PPARA: variants seen among roughly 807,000 people sequenced by gnomAD.
The protein encoded by PPARA is peroxisome proliferator activated receptor alpha, also known as peroxisome proliferator-activated receptor alpha.
PPARA carries 22 observed loss-of-function variants against 42.2 expected under a neutral mutation model. The observed-to-expected ratio is 0.52, with a 90% confidence interval of 0.37 to 0.74. The LOEUF (loss-of-function observed/expected upper bound fraction) is 0.74. Among genes scored for constraint, PPARA ranks in the 30% least tolerant of loss-of-function variants. The probability of loss-of-function intolerance (pLI) is 0.00; values close to 1 mark genes in which losing one functional copy is unlikely to be tolerated. For synonymous variants in PPARA, 242 were observed against 239.3 expected (o/e 1.01, Z -0.10); for missense variants, 465 against 608.2 (o/e 0.76, Z 2.48).
rs1465853939 is a variant in PPARA, at chr22:46,218,355, G to A, written c.462G>A (p.Gln154=). The A allele has an allele frequency of 1.2e-6, 2 of 1,614,132 alleles. No individual in the cohort carries two copies. Among genetic ancestry groups the A allele is most frequent in the Non-Finnish European group, 8.5e-7 (1 of 1,180,020 alleles). ...KIQKKNRNKC[Q]YCRFHKCLSV... is the part of the protein sequence containing the mutation. The stretch of plus-strand genomic sequence containing the variant: ...AGAAAAAGAACAGAAACAAATGCCA[G>A]TATTGTCGATTTCACAAGTGCCTTT... Residue 154 remains glutamine (Q), a synonymous_variant, in exon 6 of 9, where the codon CAG becomes CAA. Coordinates refer to ENST00000407236, the MANE Select transcript of PPARA (RefSeq NM_005036.6).
chr22:46,233,530 G>C lies in PPARA; in HGVS notation c.1159+1291G>C, dbSNP rs903281402. 6.6e-6 allele frequency among the ~76,000 whole-genome samples: 1 copy of C among 152,214 alleles called. No individual in the cohort carries two copies. The highest frequency in any genetic ancestry group is 1.5e-5 in the Non-Finnish European group (1 of 68,038). ...TGACTCAGCCCTACCAGCCGTGCCCGTTACTGTGTGGCTGGGCACAAGTCA... is the reference window on the plus strand; with the variant it reads ...TGACTCAGCCCTACCAGCCGTGCCCCTTACTGTGTGGCTGGGCACAAGTCA... On this transcript the variant is annotated intron_variant, in intron 8 of 8. Transcript: ENST00000407236. The surrounding 1 kb of genome is among the most constrained non-coding windows in gnomAD (Gnocchi z 7.3).
At chr22:46,176,263 A>T (rs1929044895) in intron 2 of PPARA, 1 of 152,272 alleles carries the variant, frequency 6.6e-6, no homozygotes, top group Admixed American at 6.5e-5. Context: ...AGGCGGGCGG[A>T]TCACCAGAGG....
In PPARA at chr22:46,232,235, T is replaced by G; in HGVS notation, c.1155T>G (p.Cys385Trp). The G allele has an allele frequency of 6.2e-7, 1 of 1,613,960 alleles. No individual in the cohort carries two copies. The highest frequency in any genetic ancestry group is 8.5e-7 in the Non-Finnish European group (1 of 1,179,922). ...ISLFVAAIIC[C>W]GDRPGLLNVG... ...TTTTTGTGGCTGCTATCATTTGCTG[T>G]GGAGGTGAGTGGTTGATTTAATCTG... The change falls in exon 8 of 9, where the codon TGT becomes TGG. Residue 385 changes from cysteine (C) to tryptophan (W), a missense_variant. Physicochemically the swap from Cys to Trp is radical, Grantham distance 215. Transcript: ENST00000407236. This position sits in a 1 kb window ranked among gnomAD's most constrained non-coding sequence, Gnocchi z 5.3.
At position 46,161,417 on chromosome 22, in the gene PPARA, C is replaced by T. The variant is rs1926147945; in HGVS notation, c.-127+9447C>T. On this transcript the variant is annotated intron_variant, in intron 2 of 8. Coordinates refer to ENST00000407236, the MANE Select transcript of PPARA (RefSeq NM_005036.6). The surrounding 1 kb of genome is among the most constrained non-coding windows in gnomAD (Gnocchi z 4.8). ...ACCAGCCTGGCCAACATGGTGAAACCCCGTCTCTACTAAAAATACAAAATT... is the reference window on the plus strand; with the variant it reads ...ACCAGCCTGGCCAACATGGTGAAACTCCGTCTCTACTAAAAATACAAAATT... 6.6e-6 allele frequency among the ~76,000 whole-genome samples: 1 copy of T among 151,842 alleles called. No individual in the cohort carries two copies. Among genetic ancestry groups the T allele is most frequent in the Non-Finnish European group, 1.5e-5 (1 of 67,978 alleles).
Position 46,235,429 on chromosome 22 carries a change from C to G in PPARA, c.*49C>G. ...TTTCCAGGAGTTCTGAAGCTGACAG[C>G]ACTACAAAGGAGACGGGGGAGCAGC... On this transcript the variant is annotated 3_prime_UTR_variant, in exon 9 of 9. Coordinates refer to ENST00000407236, the MANE Select transcript of PPARA (RefSeq NM_005036.6). This position sits in a 1 kb window ranked among gnomAD's most constrained non-coding sequence, Gnocchi z 7.0. The G allele has an allele frequency of 6.2e-7, 1 of 1,604,976 alleles. No individual in the cohort carries two copies. Among genetic ancestry groups the G allele is most frequent in the Middle Eastern group, 2.0e-4 (1 of 4,896 alleles).
At chr22:46,157,123 C>G (rs1216322234) in intron 2 of PPARA, among the ~76,000 whole-genome samples, 2 of 152,220 alleles carry the variant, frequency 1.3e-5, no homozygotes, top group African/African-American at 4.8e-5. Context: ...TCTGACTGTC[C>G]TCGCTGAGTC....
chr22:46,153,210 C>T (rs1423766159), intron 2 of PPARA, among the ~76,000 whole-genome samples: 1 of 131,012 alleles, frequency 7.6e-6, no homozygotes, highest in Non-Finnish European at 1.6e-5. Flanking sequence ...GCTCTTGTCA[C>T]CCAGGCTGGA....
intron 3 of PPARA, among the ~76,000 whole-genome samples, chr22:46,179,104 A>G (rs192221167): frequency 2.0e-5 from 3 of 152,276 alleles, no homozygotes; most frequent in Admixed American, 6.5e-5. Context: ...TTATAAAGTC[A>G]CCAGTCCTAT....
intron 3 of PPARA, among the ~76,000 whole-genome samples, chr22:46,181,739 T>C (rs1930003172): frequency 6.6e-6 from 1 of 152,118 alleles, no homozygotes; most frequent in African/African-American, 2.4e-5. Flanking sequence ...TCCAGATCAG[T>C]TCCCATACAT....
rs1271725349 is a variant in PPARA at position 46,237,635 on chromosome 22, C to T, written c.*2255C>T. Reference sequence around the variant, plus strand: ...CAAAAAAAAAAAAAAAAGATGCAATCAAAGGGGCTGTTGGCCAGCAATGGC... The same window carrying T: ...CAAAAAAAAAAAAAAAAGATGCAATTAAAGGGGCTGTTGGCCAGCAATGGC... On this transcript the variant is annotated 3_prime_UTR_variant, in exon 9 of 9. Transcript: ENST00000407236. The surrounding 1 kb of genome is among the most constrained non-coding windows in gnomAD (Gnocchi z 6.7). 1 of 150,696 alleles carries T rather than the reference C, an allele frequency of 6.6e-6. No homozygotes were observed. Among genetic ancestry groups the T allele is most frequent in the Non-Finnish European group, 1.5e-5 (1 of 67,880 alleles). 9.3% of individuals were successfully genotyped at this position (150,696 alleles called of 1,614,324 possible).
Position 46,161,823 on chromosome 22 carries a change from G to A in PPARA, c.-127+9853G>A, listed in dbSNP as rs990432937. ...GTGGCGTTCCCTTTTCCGCGCTAGC[G>A]TTTGGTCCCTGCGCTTTTCTGGATG... On this transcript the variant is annotated intron_variant, in intron 2 of 8. Coordinates refer to ENST00000407236, the MANE Select transcript of PPARA (RefSeq NM_005036.6). This position sits in a 1 kb window ranked among gnomAD's most constrained non-coding sequence, Gnocchi z 4.8. 9.9e-5 allele frequency among the ~76,000 whole-genome samples: 15 copies of A among 152,140 alleles called. No individual in the cohort carries two copies. The highest frequency in any genetic ancestry group is 2.1e-4 in the Non-Finnish European group (14 of 68,028).
At chr22:46,198,720 G>C in intron 4 of PPARA, 129 bp downstream of exon 4, 3 of 943,732 alleles carry the variant, frequency 3.2e-6, no homozygotes, top group Non-Finnish European at 4.7e-6. Context: ...GAGTGCAATG[G>C]CTCGATCTCG....
In PPARA at chr22:46,215,242, C is replaced by G; in HGVS notation, c.278C>G (p.Ser93Cys). 1 of 1,614,148 alleles carries G rather than the reference C, an allele frequency of 6.2e-7. No homozygotes were observed. The highest frequency in any genetic ancestry group is 8.5e-7 in the Non-Finnish European group (1 of 1,180,036). The part of the protein sequence containing the change: ...YPVVPGSVDE[S>C]PSGALNIECR... Reference sequence around the variant, plus strand: ...GTGGTCCCCGGCAGCGTGGACGAGTCTCCCAGTGGAGCATTGAACATCGAA... The same window carrying G: ...GTGGTCCCCGGCAGCGTGGACGAGTGTCCCAGTGGAGCATTGAACATCGAA... Residue 93 changes from serine to cysteine, a missense_variant, in exon 5 of 9, where the codon TCT (serine) becomes TGT (cysteine). Ser to Cys is a moderately radical substitution (Grantham distance 112). Around this residue, in one of 2 missense-constraint regions of PPARA, gnomAD observed 152 missense variants for 139.1 expected, o/e 1.09. Transcript: ENST00000407236.
intron 2 of PPARA, among the ~76,000 whole-genome samples, chr22:46,170,423 T>C (rs1040524835): frequency 7.8e-6 from 1 of 127,776 alleles, no homozygotes. Flanking sequence ...TTTTTTTTTT[T>C]TTTTTTGTAG....
chr22:46,177,085 C>T (rs1929234288), intron 3 of PPARA, among the ~76,000 whole-genome samples: 1 of 152,116 alleles, frequency 6.6e-6, no homozygotes, highest in Non-Finnish European at 1.5e-5. Context: ...GTGGCAGGCG[C>T]CTGTAGTCCC....
chr22:46,200,989 G>A lies in PPARA; in HGVS notation c.208+2398G>A, dbSNP rs573133837. On this transcript the variant is annotated intron_variant, in intron 4 of 8. Transcript: ENST00000407236. The surrounding 1 kb of genome is among the most constrained non-coding windows in gnomAD (Gnocchi z 4.8). ...AGCACTTTGGGAGGCTGAGGCGGGC[G>A]GATCACTTGAGGTCAGGAGTTAAAG... Among the ~76,000 whole-genome samples, 81 of 152,052 alleles carry A rather than the reference G, an allele frequency of 5.3e-4. No individual in the cohort carries two copies. Among genetic ancestry groups the A allele is most frequent in the Admixed American group, 4.1e-3 (62 of 15,264 alleles).
rs1328548497 is a variant in PPARA at position 46,151,863 on chromosome 22, T to G, written c.-209-25T>G. ...CATCCAGAGAACAACCGTAATCACT[T>G]CCTCCTTCACCTTCTTACTGCCAGG... is the stretch of plus-strand genomic sequence containing the variant. On this transcript the variant is annotated intron_variant, in intron 1 of 8. Coordinates refer to ENST00000407236, the MANE Select transcript of PPARA (RefSeq NM_005036.6). 4.6e-5 allele frequency: 7 copies of G among 152,364 alleles called. No homozygotes were observed. In the East Asian group the frequency reaches 1.2e-3, roughly 25 times the overall value. The allele number at this position is 152,364 out of a possible 1,614,324, so 9.4% of individuals were successfully genotyped here. A position where few individuals can be genotyped will look rare whatever the true frequency, so the allele number is the denominator to read the frequency against.
chr22:46,185,767 C>T (rs904980098), intron 3 of PPARA, among the ~76,000 whole-genome samples: 7 of 148,576 alleles, frequency 4.7e-5, no homozygotes, highest in Non-Finnish European at 7.5e-5. Flanking sequence ...TGGTGGCAGC[C>T]GCCTGTAATT....
rs186784554 is a variant in PPARA, at chr22:46,214,916, G to A, written c.209-257G>A. Among the ~76,000 whole-genome samples, 20 of 152,126 alleles carry A rather than the reference G, an allele frequency of 1.3e-4. No individual in the cohort carries two copies. In the East Asian group the frequency reaches 3.7e-3, roughly 28 times the overall value. ...CGGGTCCAGGGATGTGTGATCTGAG[G>A]TGTGTGGGTCCGGAGCTCGGGGTCA... On this transcript the variant is annotated intron_variant, in intron 4 of 8. Coordinates refer to ENST00000407236, the MANE Select transcript of PPARA (RefSeq NM_005036.6).
Sources: allele counts gnomAD v4.1 joint callset (sites outside exome capture counted in the v4.1 genomes callset), GRCh38; gene constraint gnomAD v4.1.1; regional missense constraint gnomAD v4.1.1; non-coding constraint Gnocchi (gnomAD v3.1); transcripts MANE v1.5; gene names NCBI Gene and HGNC (gene_info 2026-07-23, HGNC 2026-07-21).